Variants in CDH12 observed in about 807,000 individuals in gnomAD.
CDH12 encodes cadherin-12.
In CDH12, 41 loss-of-function variants were observed where a neutral mutation model predicts 74.1. That is an observed-to-expected ratio of 0.55 (90% CI 0.43 to 0.72). CDH12 has a LOEUF of 0.72. Among genes scored for constraint, CDH12 ranks in the 30% least tolerant of loss-of-function variants. CDH12 has a pLI of 0.00. For missense variants in CDH12, 945 were observed against 977.2 expected (o/e 0.97, Z 0.44); for synonymous variants, 399 against 355.0 (o/e 1.12, Z -1.39).
intron 4 of CDH12, among the ~76,000 whole-genome samples, chr5:22,184,566 C>T (rs191891128): frequency 3.0e-4 from 46 of 152,236 alleles, no homozygotes; most frequent in Middle Eastern, 3.4e-3. Context: ...GAATAACTGC[C>T]TTGATATATG....
chr5:22,560,935 G>T (rs1164281553), intron 1 of CDH12, among the ~76,000 whole-genome samples: 3 of 152,108 alleles, frequency 2.0e-5, no homozygotes, highest in Non-Finnish European at 4.4e-5. Flanking sequence ...AGCACAGAAG[G>T]TTGGGACTAC....
At chr5:22,464,553 T>C (rs1304719911) in intron 2 of CDH12, among the ~76,000 whole-genome samples, 1 of 152,160 alleles carries the variant, frequency 6.6e-6, no homozygotes. Context: ...TGGAATTCCC[T>C]ATAGTTCTGC....
chr5:21,863,992 A>G (rs1464151266), intron 6 of CDH12, among the ~76,000 whole-genome samples: 4 of 152,204 alleles, frequency 2.6e-5, no homozygotes, highest in Non-Finnish European at 5.9e-5. Context: ...TTTCAGAATT[A>G]TAAATATACT....
intron 4 of CDH12, among the ~76,000 whole-genome samples, chr5:22,194,618 C>T (rs991965671): frequency 1.3e-5 from 2 of 152,144 alleles, no homozygotes; most frequent in Non-Finnish European, 2.9e-5. Context: ...AGGTGTGAGG[C>T]ACCGTGACTG....
chr5:22,743,680 T>C (rs1745148465), intron 1 of CDH12, among the ~76,000 whole-genome samples: 1 of 152,192 alleles, frequency 6.6e-6, no homozygotes. Flanking sequence ...TTATGACTTA[T>C]ATATTAAATG....
chr5:21,946,895 T>C (rs1325344079), intron 6 of CDH12, among the ~76,000 whole-genome samples: 3 of 152,222 alleles, frequency 2.0e-5, no homozygotes, highest in Non-Finnish European at 1.5e-5. Flanking sequence ...TGAATTGTAA[T>C]CCTCATGATC....
intron 2 of CDH12, among the ~76,000 whole-genome samples, chr5:22,415,371 C>A (rs914502849): frequency 2.6e-5 from 4 of 152,164 alleles, no homozygotes; most frequent in African/African-American, 9.7e-5. Flanking sequence ...GCCACACATT[C>A]TTCCCCCTTT....
chr5:22,474,442 G>A (rs944928118), intron 2 of CDH12, among the ~76,000 whole-genome samples: 3 of 152,130 alleles, frequency 2.0e-5, no homozygotes. Flanking sequence ...ATCCAACTGA[G>A]TTCTGAAAGA....
At chr5:22,149,759 A>C (rs544174775) in intron 4 of CDH12, among the ~76,000 whole-genome samples, 15 of 152,112 alleles carry the variant, frequency 9.9e-5, no homozygotes, top group African/African-American at 3.6e-4. Context: ...GGCGTGAGCC[A>C]CCACGTCTGG....
At chr5:22,777,204 A>G (rs1484523120) in intron 1 of CDH12, among the ~76,000 whole-genome samples, 1 of 152,202 alleles carries the variant, frequency 6.6e-6, no homozygotes, top group Non-Finnish European at 1.5e-5. Context: ...CTTCCAAAGA[A>G]TGATTCCCTT....
At chr5:22,129,495 T>C (rs1386104884) in intron 4 of CDH12, among the ~76,000 whole-genome samples, 2 of 152,128 alleles carry the variant, frequency 1.3e-5, no homozygotes, top group Non-Finnish European at 2.9e-5. Context: ...AAAATGATCT[T>C]AGTGGGTTTA....
rs902798871 is a variant in CDH12 at position 22,417,444 on chromosome 5, C to T, written c.-427-12093G>A. ...TCATCCAGCCTCTTTCCTTTTCTTT[C>T]TTTCTTTCATGCCTACTCTTTCACA... On this transcript the variant is annotated intron_variant, in intron 2 of 14. Coordinates refer to ENST00000382254, the MANE Select transcript of CDH12 (RefSeq NM_004061.5). 3.9e-5 allele frequency among the ~76,000 whole-genome samples: 6 copies of T among 152,294 alleles called. No homozygotes were observed. The South Asian group carries it at 1.2e-3, about 32-fold the overall frequency.
intron 4 of CDH12, among the ~76,000 whole-genome samples, chr5:22,204,886 C>A (rs1220068247): frequency 6.6e-6 from 1 of 152,110 alleles, no homozygotes; most frequent in African/African-American, 2.4e-5. Context: ...GCATTGACAG[C>A]AGTCTGTACA....
intron 1 of CDH12, among the ~76,000 whole-genome samples, chr5:22,846,690 G>A (rs1401901275): frequency 6.6e-6 from 1 of 152,118 alleles, no homozygotes; most frequent in Non-Finnish European, 1.5e-5. Flanking sequence ...CTATGAGACA[G>A]GTCTGTGCTT....
At chr5:21,839,642 A>G (rs16888324) in intron 8 of CDH12, among the ~76,000 whole-genome samples, 5,626 of 152,290 alleles carry the variant, frequency 0.037, 323 homozygotes, top group African/African-American at 0.12. Flanking sequence ...ACTTACATAT[A>G]GCCAAAGGAA....
At chr5:22,600,174 T>C (rs931134468) in intron 1 of CDH12, among the ~76,000 whole-genome samples, 1 of 152,226 alleles carries the variant, frequency 6.6e-6, no homozygotes, top group Non-Finnish European at 1.5e-5. Flanking sequence ...CAGGCACCTG[T>C]TGTATAAGAT....
At chr5:21,992,036 A>C (rs1004170077) in intron 5 of CDH12, among the ~76,000 whole-genome samples, 3 of 152,056 alleles carry the variant, frequency 2.0e-5, no homozygotes, top group African/African-American at 7.2e-5. Flanking sequence ...TAAGAAATGC[A>C]GTAAGTTACA....
intron 3 of CDH12, among the ~76,000 whole-genome samples, chr5:22,346,053 C>A (rs1740096788): frequency 6.7e-6 from 1 of 150,302 alleles, no homozygotes; most frequent in Admixed American, 6.7e-5. Context: ...TTGCAGTGAG[C>A]CGAAGTCGCA....
intron 1 of CDH12, among the ~76,000 whole-genome samples, chr5:22,798,180 C>T (rs947570693): frequency 6.6e-6 from 1 of 152,114 alleles, no homozygotes; most frequent in Non-Finnish European, 1.5e-5. Context: ...CTAGTTCTGA[C>T]TTCTTCAGGT....
Sources: allele counts gnomAD v4.1 joint callset (sites outside exome capture counted in the v4.1 genomes callset), GRCh38; gene constraint gnomAD v4.1.1; transcripts MANE v1.5; gene names NCBI Gene and HGNC (gene_info 2026-07-23, HGNC 2026-07-21).